HPSE2: variants seen among roughly 807,000 people sequenced by gnomAD.
HPSE2 encodes the protein heparanase 2 (inactive).
A neutral mutation model predicts 60.5 loss-of-function variants in HPSE2; 38 were observed. The ratio of observed to expected loss-of-function variants is 0.63; its 90% CI spans 0.48 to 0.82. The LOEUF is 0.82. HPSE2 is among the 40% of genes least tolerant of loss of function. The probability of loss-of-function intolerance (pLI) is 0.00; values close to 1 mark genes in which losing one functional copy is unlikely to be tolerated. For missense variants in HPSE2, 713 were observed against 740.4 expected (o/e 0.96, Z 0.43); for synonymous variants, 295 against 293.2 (o/e 1.01, Z -0.06).
intron 3 of HPSE2, among the ~76,000 whole-genome samples, chr10:99,081,581 AGAT>A (rs34159388): frequency 0.032 from 4,736 of 147,356 alleles, 93 homozygotes; most frequent in South Asian, 0.062. Flanking sequence ...CTACTACTAA[AGAT>A]GATGATGATG....
chr10:98,883,056 G>A (rs1191676290), intron 3 of HPSE2, among the ~76,000 whole-genome samples: 2 of 152,100 alleles, frequency 1.3e-5, no homozygotes, highest in Non-Finnish European at 1.5e-5. Context: ...TTTGCATGGA[G>A]AGGAAAAGCC....
chr10:98,883,678 C>T (rs1182811034), intron 3 of HPSE2, among the ~76,000 whole-genome samples: 1 of 151,990 alleles, frequency 6.6e-6, no homozygotes, highest in Non-Finnish European at 1.5e-5. Flanking sequence ...ATGACATGTG[C>T]TTGTAGTGCC....
chr10:98,641,819 C>CTTT (rs1946645622), intron 7 of HPSE2, 28 bp downstream of exon 7: 1 of 1,543,432 alleles, frequency 6.5e-7, no homozygotes, highest in South Asian at 1.1e-5. Flanking sequence ...AGAATCGCTC[C>CTTT]TTTTCTTCCC....
At chr10:98,804,884 G>A (rs531083591) in intron 3 of HPSE2, among the ~76,000 whole-genome samples, 2 of 152,160 alleles carry the variant, frequency 1.3e-5, no homozygotes, top group East Asian at 1.9e-4. Flanking sequence ...AGCAACCCAA[G>A]TGTCCATAAC....
intron 2 of HPSE2, among the ~76,000 whole-genome samples, chr10:99,148,553 G>A (rs1211974204): frequency 6.6e-6 from 1 of 152,116 alleles, no homozygotes; most frequent in Non-Finnish European, 1.5e-5. Context: ...CACTTTGGGA[G>A]CCCAAGGTGG....
At chr10:99,145,119 G>C (rs1846001043) in intron 2 of HPSE2, among the ~76,000 whole-genome samples, 1 of 152,118 alleles carries the variant, frequency 6.6e-6, no homozygotes, top group South Asian at 2.1e-4. Flanking sequence ...ATTCAAAGCA[G>C]ATATAGTCTC....
rs773121885 is a variant in HPSE2, at chr10:98,654,422, T to G, written c.1005-12482A>C. ...CTTGGCTATTCTGTTGTTTTCATTCTTTTACCTTTCTGAATTTCAGTTTGG... is the reference window on the plus strand; with the variant it reads ...CTTGGCTATTCTGTTGTTTTCATTCGTTTACCTTTCTGAATTTCAGTTTGG... On this transcript the variant is annotated intron_variant, in intron 6 of 11. Coordinates refer to ENST00000370552, the MANE Select transcript of HPSE2 (RefSeq NM_021828.5). Among the ~76,000 whole-genome samples, 10 of 152,366 alleles carry G rather than the reference T, an allele frequency of 6.6e-5. No homozygotes were observed. The South Asian group carries it at 1.2e-3, about 19-fold the overall frequency.
intron 9 of HPSE2, among the ~76,000 whole-genome samples, chr10:98,557,263 T>G (rs1944038762): frequency 6.6e-6 from 1 of 152,038 alleles, no homozygotes; most frequent in African/African-American, 2.4e-5. Context: ...GAGGTTTTGG[T>G]GCAAGAATAG....
intron 3 of HPSE2, among the ~76,000 whole-genome samples, chr10:98,942,328 T>C (rs1427164047): frequency 1.4e-5 from 2 of 143,356 alleles, no homozygotes; most frequent in African/African-American, 5.7e-5. Flanking sequence ...CGCAACCTAC[T>C]CATCTGACAA....
At chr10:98,544,840 C>T (rs1216067318) in intron 9 of HPSE2, among the ~76,000 whole-genome samples, 1 of 151,550 alleles carries the variant, frequency 6.6e-6, no homozygotes, top group Non-Finnish European at 1.5e-5. Context: ...CACAAAAAAC[C>T]CTCAAAAAAT....
chr10:99,278,465 C>T, the HPSE2 span, among the ~76,000 whole-genome samples: 1 of 152,130 alleles, frequency 6.6e-6, no homozygotes, highest in African/African-American at 2.4e-5. Context: ...GCTGGAACTC[C>T]AGTCATCATA....
chr10:99,271,558 T>C, the HPSE2 span, among the ~76,000 whole-genome samples: 1 of 151,970 alleles, frequency 6.6e-6, no homozygotes, highest in Non-Finnish European at 1.5e-5. Flanking sequence ...ATTGTGAAAA[T>C]CATCATACCG....
At chr10:99,129,433 T>G (rs1304405700) in intron 3 of HPSE2, among the ~76,000 whole-genome samples, 1 of 152,038 alleles carries the variant, frequency 6.6e-6, no homozygotes, top group African/African-American at 2.4e-5. Flanking sequence ...ATATCAAGTA[T>G]CCTCTCAGAA....
the HPSE2 span, among the ~76,000 whole-genome samples, chr10:99,304,181 C>T: frequency 6.6e-6 from 1 of 152,200 alleles, no homozygotes; most frequent in East Asian, 1.9e-4. Flanking sequence ...CTAACTAAAA[C>T]AGGGCCAGAG....
chr10:98,980,403 T>A (rs572855532), intron 3 of HPSE2, among the ~76,000 whole-genome samples: 1 of 151,960 alleles, frequency 6.6e-6, no homozygotes, highest in Non-Finnish European at 1.5e-5. Context: ...GGAAAAAAAA[T>A]CAATTCATGA....
intron 3 of HPSE2, among the ~76,000 whole-genome samples, chr10:99,105,484 T>A (rs1015437588): frequency 2.0e-5 from 3 of 152,036 alleles, no homozygotes; most frequent in Non-Finnish European, 2.9e-5. Flanking sequence ...GGTTTTTTTT[T>A]ATAATCGAGT....
chr10:98,978,367 C>T (rs1373203520), intron 3 of HPSE2, among the ~76,000 whole-genome samples: 1 of 152,074 alleles, frequency 6.6e-6, no homozygotes, highest in African/African-American at 2.4e-5. Context: ...GACTCTGCTA[C>T]CATTAACTCT....
chr10:99,128,849 A>G (rs941539216), intron 3 of HPSE2, among the ~76,000 whole-genome samples: 11 of 152,164 alleles, frequency 7.2e-5, no homozygotes, highest in Non-Finnish European at 1.0e-4. Flanking sequence ...ATAAAATTTA[A>G]TTTCATTTTT....
intron 9 of HPSE2, among the ~76,000 whole-genome samples, chr10:98,535,903 G>A (rs1943268301): frequency 1.3e-5 from 2 of 152,122 alleles, no homozygotes; most frequent in South Asian, 4.2e-4. Context: ...AGTGTTTCTG[G>A]AGCCAAGGAA....
Sources: gnomAD v4.1 joint callset for allele counts (sites outside exome capture counted in the v4.1 genomes callset) on GRCh38, gnomAD v4.1.1 for gene constraint, MANE v1.5 for transcripts, NCBI Gene and HGNC (gene_info 2026-07-23, HGNC 2026-07-21) for gene names.